ACOX3: variants seen among roughly 807,000 people sequenced by gnomAD.
The protein encoded by ACOX3 is peroxisomal acyl-coenzyme A oxidase 3.
A neutral mutation model predicts 81.5 loss-of-function variants in ACOX3; 73 were observed. The ratio of observed to expected loss-of-function variants is 0.90; its 90% confidence interval spans 0.74 to 1.09. The LOEUF (loss-of-function observed/expected upper bound fraction) is 1.09, where lower values mean the gene tolerates loss of function less well. Ranked by LOEUF, ACOX3 falls within the 50% of genes least tolerant of loss-of-function variation. ACOX3 has a pLI of 0.00. For synonymous variants in ACOX3, 387 were observed against 375.1 expected (o/e 1.03, Z -0.37); for missense variants, 947 against 928.0 (o/e 1.02, Z -0.27).
chr4:8,426,293 G>A (rs1723474587), intron 1 of ACOX3, among the ~76,000 whole-genome samples: 1 of 152,034 alleles, frequency 6.6e-6, no homozygotes, highest in Non-Finnish European at 1.5e-5. Context: ...TACATACTGG[G>A]AAGGACCCTA....
rs905043590 is a variant in ACOX3 at position 8,419,486 on chromosome 4, G to A, written c.-14-2951C>T. 2.0e-5 allele frequency among the ~76,000 whole-genome samples: 3 copies of A among 151,954 alleles called. No homozygotes were observed. Among genetic ancestry groups the A allele is most frequent in the African/African-American group, 7.3e-5 (3 of 41,356 alleles). ...AAACAGAAAAATAATCACAAGTATT[G>A]AGAGGATGTGGAGAAATCAGACTCT... On this transcript the variant is annotated intron_variant, in intron 1 of 17. Transcript: ENST00000356406. This position sits in a 1 kb window ranked among gnomAD's most constrained non-coding sequence, Gnocchi z 4.2.
intron 10 of ACOX3, among the ~76,000 whole-genome samples, chr4:8,393,613 ACG>A (rs1224673369): frequency 2.6e-5 from 3 of 115,622 alleles, no homozygotes; most frequent in Non-Finnish European, 5.7e-5. Context: ...AGACACACAC[ACG>A]CACACACACA....
At chr4:8,429,911 A>T (rs80169623) in intron 1 of ACOX3, among the ~76,000 whole-genome samples, 1 of 144,526 alleles carries the variant, frequency 6.9e-6, no homozygotes, top group Non-Finnish European at 1.5e-5. Flanking sequence ...ACTCTGCATT[A>T]AAAAAAAAAA....
At chr4:8,426,737 A>G (rs568944471) in intron 1 of ACOX3, among the ~76,000 whole-genome samples, 131 of 152,156 alleles carry the variant, frequency 8.6e-4, no homozygotes, top group Middle Eastern at 3.4e-3. Flanking sequence ...CAATCCCTGT[A>G]TCTTTAACCT....
In ACOX3 at chr4:8,415,991, G is replaced by A. The variant is rs1370672645; in HGVS notation, c.153C>T (p.Ile51=). The A allele has an allele frequency of 6.2e-7, 1 of 1,614,032 alleles. No individual in the cohort carries two copies. The highest frequency in any genetic ancestry group is 1.7e-5 in the Admixed American group (1 of 60,028). ...GAGGGTCATTCTCAAGAGCTGAGAA[G>A]ATGGTTTTCTGGAAATGCAGGAGAT... is the stretch of plus-strand genomic sequence containing the variant. ...GEGMLRFKKT[I]FSALENDPLF... The change falls in exon 3 of 18, where the codon ATC becomes ATT. Residue 51 remains isoleucine, a synonymous_variant. Transcript: ENST00000356406.
At position 8,405,205 on chromosome 4, in the gene ACOX3, C is replaced by A. The variant is rs942549229; in HGVS notation, c.776+750G>T. ...CCCTCAAAGACCCTCAAGGCCCTTGCGGCCTGGCCTCCCTACCCCGCCTGC... is the reference window on the plus strand; with the variant it reads ...CCCTCAAAGACCCTCAAGGCCCTTGAGGCCTGGCCTCCCTACCCCGCCTGC... On this transcript the variant is annotated intron_variant, in intron 7 of 17. Transcript: ENST00000356406. The surrounding 1 kb of genome is among the most constrained non-coding windows in gnomAD (Gnocchi z 7.1). 6.6e-6 allele frequency among the ~76,000 whole-genome samples: 1 copy of A among 152,226 alleles called. No homozygotes were observed. The highest frequency in any genetic ancestry group is 1.5e-5 in the Non-Finnish European group (1 of 68,040).
chr4:8,434,834 G>A (rs1724136268), intron 1 of ACOX3, among the ~76,000 whole-genome samples: 1 of 152,170 alleles, frequency 6.6e-6, no homozygotes, highest in African/African-American at 2.4e-5. Flanking sequence ...TTGGCACTTT[G>A]GCTTTGGTTC....
Position 8,432,551 on chromosome 4 carries a change from A to G in ACOX3, c.-15+8097T>C, listed in dbSNP as rs1724018421. Among the ~76,000 whole-genome samples, 3 of 151,760 alleles carry G rather than the reference A, an allele frequency of 2.0e-5. 1 individual carries two copies. The highest frequency in any genetic ancestry group is 2.0e-4 in the Admixed American group (3 of 15,244). ...CCCGGCCTGATTTTTTTTTTTAATT[A>G]TAAACCCAACATATTGAATTTAACG... On this transcript the variant is annotated intron_variant, in intron 1 of 17. Transcript: ENST00000356406. This position sits in a 1 kb window ranked among gnomAD's most constrained non-coding sequence, Gnocchi z 6.2.
downstream of ACOX3, among the ~76,000 whole-genome samples, chr4:8,361,341 G>A (rs1055148200): frequency 1.4e-5 from 2 of 146,052 alleles, no homozygotes; most frequent in African/African-American, 5.1e-5. Flanking sequence ...CAGGACAAAG[G>A]CGTGAACCCA....
chr4:8,371,117 C>G, intron 16 of ACOX3, 123 bp from the exon 17 acceptor site: 1 of 795,662 alleles, frequency 1.3e-6, no homozygotes, highest in South Asian at 1.6e-5. Context: ...GCGGCACGTG[C>G]GGCTCTGCTG....
rs188685711 is a variant in ACOX3 at position 8,400,677 on chromosome 4, A to C, written c.777-1025T>G. 3.3e-5 allele frequency among the ~76,000 whole-genome samples: 5 copies of C among 151,928 alleles called. No homozygotes were observed. Among genetic ancestry groups the C allele is most frequent in the African/African-American group, 9.7e-5 (4 of 41,350 alleles). On this transcript the variant is annotated intron_variant, in intron 7 of 17. Coordinates refer to ENST00000356406, the MANE Select transcript of ACOX3 (RefSeq NM_003501.3). This position sits in a 1 kb window ranked among gnomAD's most constrained non-coding sequence, Gnocchi z 4.4. ...AGAATATTACATAAACTGTGCAAAAACCCCCCAAAACAAACTTCAAAATAT... is the reference window on the plus strand; with the variant it reads ...AGAATATTACATAAACTGTGCAAAACCCCCCCAAAACAAACTTCAAAATAT...
Position 8,406,239 on chromosome 4 carries a change from C to A in ACOX3, c.688-196G>T, listed in dbSNP as rs1179864845. Among the ~76,000 whole-genome samples, 3 of 152,148 alleles carry A rather than the reference C, an allele frequency of 2.0e-5. No individual in the cohort carries two copies. The East Asian group carries it at 5.8e-4, about 29-fold the overall frequency. On this transcript the variant is annotated intron_variant, in intron 6 of 17. Coordinates refer to ENST00000356406, the MANE Select transcript of ACOX3 (RefSeq NM_003501.3). The surrounding 1 kb of genome is among the most constrained non-coding windows in gnomAD (Gnocchi z 5.6). ...ATGGAAGCTTATTTGGAAATAGGGTCCTGCAGATATAATGAATTTAAGAGC... is the reference window on the plus strand; with the variant it reads ...ATGGAAGCTTATTTGGAAATAGGGTACTGCAGATATAATGAATTTAAGAGC...
rs780911528 is a variant in ACOX3 at position 8,405,936 on chromosome 4, A to T, written c.776+19T>A. ...GGCCTTGGCAGGAAGCTCAGGGCTC[A>T]GCAGCCTCTGTCACTCACCCATTAT... On this transcript the variant is annotated intron_variant, in intron 7 of 17. Transcript: ENST00000356406. The surrounding 1 kb of genome is among the most constrained non-coding windows in gnomAD (Gnocchi z 7.1). The T allele has an allele frequency of 6.2e-6, 10 of 1,612,014 alleles. No individual in the cohort carries two copies. The African/African-American group carries it at 1.1e-4, about 17-fold the overall frequency.
chr4:8,427,010 G>A (rs1278124474), intron 1 of ACOX3, among the ~76,000 whole-genome samples: 1 of 152,188 alleles, frequency 6.6e-6, no homozygotes, highest in Non-Finnish European at 1.5e-5. Context: ...TTTTCCTGTT[G>A]AGAGGGGGTA....
chr4:8,422,704 C>T (rs887804261), intron 1 of ACOX3, among the ~76,000 whole-genome samples: 4 of 152,202 alleles, frequency 2.6e-5, no homozygotes, highest in African/African-American at 9.7e-5. Context: ...GCCAAGGAGC[C>T]AAGGCTTGGA....
rs1382003798 is a variant in ACOX3 at position 8,432,211 on chromosome 4, T to C, written c.-15+8437A>G. 6.6e-6 allele frequency among the ~76,000 whole-genome samples: 1 copy of C among 152,224 alleles called. No homozygotes were observed. The highest frequency in any genetic ancestry group is 1.9e-4 in the East Asian group (1 of 5,190). ...ATGCACAAACAAATGGCTGTCCCTATGGCAAATGTTACTGGCTTGAGCCAA... is the reference window on the plus strand; with the variant it reads ...ATGCACAAACAAATGGCTGTCCCTACGGCAAATGTTACTGGCTTGAGCCAA... On this transcript the variant is annotated intron_variant, in intron 1 of 17. Transcript: ENST00000356406. This position sits in a 1 kb window ranked among gnomAD's most constrained non-coding sequence, Gnocchi z 6.2.
intron 1 of ACOX3, among the ~76,000 whole-genome samples, chr4:8,425,225 C>G (rs931410922): frequency 1.3e-5 from 2 of 152,014 alleles, no homozygotes; most frequent in African/African-American, 4.8e-5. Flanking sequence ...AACCGCGAAG[C>G]AGATACTGAA....
intron 1 of ACOX3, among the ~76,000 whole-genome samples, chr4:8,420,336 G>A (rs148113801): frequency 6.6e-6 from 1 of 152,326 alleles, no homozygotes; most frequent in Non-Finnish European, 1.5e-5. Flanking sequence ...TAAGATCTGT[G>A]CACCTTGGGG....
downstream of ACOX3, among the ~76,000 whole-genome samples, chr4:8,363,387 A>G (rs1166246755): frequency 6.6e-6 from 1 of 152,178 alleles, no homozygotes. Flanking sequence ...TTTTGTGAGA[A>G]CTCAAGAGTT....
Sources: gnomAD v4.1 joint callset for allele counts (sites outside exome capture counted in the v4.1 genomes callset) on GRCh38, gnomAD v4.1.1 for gene constraint, Gnocchi (gnomAD v3.1) non-coding constraint, MANE v1.5 for transcripts, NCBI Gene and HGNC (gene_info 2026-07-23, HGNC 2026-07-21) for gene names.